SKOR2: variants seen among roughly 807,000 people sequenced by gnomAD.
SKOR2 encodes LBX1 corepressor 1-like protein.
SKOR2 carries 47 observed loss-of-function variants against 69.1 expected under a neutral mutation model. The ratio of observed to expected loss-of-function variants is 0.68; its 90% CI spans 0.54 to 0.87. The LOEUF is 0.87. SKOR2 is among the 40% of genes least tolerant of loss of function. The probability of loss-of-function intolerance (pLI) is 0.00; values close to 1 mark genes in which losing one functional copy is unlikely to be tolerated. For missense variants in SKOR2, 1,404 were observed against 1,472.2 expected, an observed-to-expected ratio of 0.95 and a Z score of 0.76; for synonymous variants, 717 against 672.6, an observed-to-expected ratio of 1.07 and a Z score of -1.02.
At chr18:47,250,616 C>T (rs1266308419) in intron 1 of SKOR2, among the ~76,000 whole-genome samples, 1 of 152,226 alleles carries the variant, frequency 6.6e-6, no homozygotes, top group East Asian at 1.9e-4. Context: ...AATTTCTTAT[C>T]CGTGTCCTCT....
chr18:47,215,706 G>A (rs1211727180), intron 7 of SKOR2, among the ~76,000 whole-genome samples: 1 of 152,038 alleles, frequency 6.6e-6, no homozygotes, highest in Non-Finnish European at 1.5e-5. Flanking sequence ...CCCTAGCTGC[G>A]TGTGACTGCA....
In SKOR2 at chr18:47,212,109, C is replaced by T. The variant is rs779367795; in HGVS notation, c.3028G>A (p.Ala1010Thr). 10 of 1,231,854 alleles carry T rather than the reference C, an allele frequency of 8.1e-6. No individual in the cohort carries two copies. The highest frequency in any genetic ancestry group is 1.6e-5 in the African/African-American group (1 of 64,390). The allele number at this position is 1,231,854 out of a possible 1,614,324, so 76.3% of individuals were successfully genotyped here. A position where few individuals can be genotyped will look rare whatever the true frequency, so the allele number is the denominator to read the frequency against. Residue 1010 changes from alanine to threonine, a missense_variant, in exon 8 of 9, where the codon GCC becomes ACC. By Grantham distance (58) the Ala-to-Thr change is moderately conservative. Coordinates refer to ENST00000425639, the MANE Select transcript of SKOR2 (RefSeq NM_001278063.4). Reference sequence around the variant, plus strand: ...ACCTTTTAGCTTTTGCTGAGATGGGCGCCAAGCTTTTCTTTCCTGATCAAA... The same window carrying T: ...ACCTTTTAGCTTTTGCTGAGATGGGTGCCAAGCTTTTCTTTCCTGATCAAA... ...ASLIRKEKLG[A>T]HLSKS
chr18:47,221,690 T>C (rs903953362), intron 6 of SKOR2, among the ~76,000 whole-genome samples: 2 of 152,142 alleles, frequency 1.3e-5, no homozygotes, highest in Non-Finnish European at 2.9e-5. Flanking sequence ...TTTTTGTACT[T>C]CTCCAGCACC....
Position 47,247,842 on chromosome 18 carries a change from C to A in SKOR2, c.1342G>T (p.Ala448Ser). ...GAGGAGAAPK[A>S]GLSGLFWPAG... ...GGCCAGAAGAGGCCGGACAAGCCGG[C>A]CTTGGGCGCCGCGCCCGCGCCGCCT... The change falls in exon 2 of 9, where the codon GCC (alanine) becomes TCC (serine). Residue 448 changes from alanine (A) to serine (S), a missense_variant. This residue lies in a region of SKOR2 where 1,266 missense variants were observed against 1,309.9 expected (regional missense o/e 0.97). Transcript: ENST00000425639. This position sits in a 1 kb window ranked among gnomAD's most constrained non-coding sequence, Gnocchi z 6.6. 7.3e-7 allele frequency: 1 copy of A among 1,367,120 alleles called. No individual in the cohort carries two copies. Among genetic ancestry groups the A allele is most frequent in the Non-Finnish European group, 9.3e-7 (1 of 1,070,298 alleles). 84.7% of individuals were successfully genotyped at this position (1,367,120 alleles called of 1,614,324 possible). A position where few individuals can be genotyped will look rare whatever the true frequency, so the allele number is the denominator to read the frequency against.
intron 5 of SKOR2, 142 bp from the exon 6 acceptor site, chr18:47,230,699 C>A: frequency 1.5e-6 from 1 of 651,340 alleles, no homozygotes; most frequent in Non-Finnish European, 2.4e-6. Flanking sequence ...AGATTTTGTG[C>A]AGAAATCCAT....
chr18:47,231,023 A>G (rs982122362), intron 4 of SKOR2, 23 bp from the exon 5 acceptor site: 2 of 1,535,876 alleles, frequency 1.3e-6, no homozygotes, highest in Admixed American at 2.0e-5. Context: ...CAGGAAAAAT[A>G]CTATTAGTTT....
intron 7 of SKOR2, among the ~76,000 whole-genome samples, chr18:47,216,341 G>C (rs1249890120): frequency 6.6e-6 from 1 of 152,108 alleles, no homozygotes; most frequent in African/African-American, 2.4e-5. Flanking sequence ...GCAGGGGTGG[G>C]GGACTTTAAC....
At chr18:47,233,055 ATG>A (rs138392837) in intron 4 of SKOR2, among the ~76,000 whole-genome samples, 5 of 151,526 alleles carry the variant, frequency 3.3e-5, no homozygotes, top group East Asian at 1.9e-4. Flanking sequence ...GTGTTTGTGC[ATG>A]TGTGTGTGTG....
chr18:47,228,826 C>T (rs1017163260), intron 6 of SKOR2, among the ~76,000 whole-genome samples: 2 of 152,334 alleles, frequency 1.3e-5, no homozygotes, highest in East Asian at 3.9e-4. Flanking sequence ...CTATAAGTAT[C>T]ACAATATTCC....
intron 7 of SKOR2, among the ~76,000 whole-genome samples, chr18:47,217,015 C>T (rs893223813): frequency 2.6e-5 from 4 of 152,146 alleles, no homozygotes; most frequent in Non-Finnish European, 5.9e-5. Context: ...CATTTTCCCC[C>T]AGGTACTTTG....
At chr18:47,229,829 T>A (rs543029216) in intron 6 of SKOR2, among the ~76,000 whole-genome samples, 2 of 152,232 alleles carry the variant, frequency 1.3e-5, no homozygotes, top group South Asian at 4.1e-4. Context: ...TACCATAAAG[T>A]TTTAGGAAAT....
intron 7 of SKOR2, among the ~76,000 whole-genome samples, chr18:47,216,231 A>C (rs1278851278): frequency 6.6e-6 from 1 of 152,128 alleles, no homozygotes; most frequent in Non-Finnish European, 1.5e-5. Flanking sequence ...AAATTAAAAA[A>C]CTTTTGTATT....
chr18:47,231,004 T>C lies in SKOR2; in HGVS notation c.2753-4A>G. The C allele has an allele frequency of 6.5e-7, 1 of 1,536,054 alleles. No homozygotes were observed. On this transcript the variant is annotated splice_polypyrimidine_tract_variant and splice_region_variant and intron_variant, in intron 4 of 8. Coordinates refer to ENST00000425639, the MANE Select transcript of SKOR2 (RefSeq NM_001278063.4). Reference sequence around the variant, plus strand: ...TTGGTTTCTTGTGTATGTTCACCTTTTAAAAAAGCAGGAAAAATACTATTA... The same window carrying C: ...TTGGTTTCTTGTGTATGTTCACCTTCTAAAAAAGCAGGAAAAATACTATTA...
intron 3 of SKOR2, 138 bp downstream of exon 3, chr18:47,245,360 A>G (rs1169967800): frequency 1.3e-6 from 1 of 793,336 alleles, no homozygotes; most frequent in African/African-American, 1.8e-5. Context: ...CAAAAACAAA[A>G]CCAAAAAAGA....
At chr18:47,216,375 T>C (rs2064143937) in intron 7 of SKOR2, among the ~76,000 whole-genome samples, 1 of 152,130 alleles carries the variant, frequency 6.6e-6, no homozygotes, top group African/African-American at 2.4e-5. Flanking sequence ...AATACTAAAA[T>C]ACCCAAATTT....
chr18:47,232,274 A>T (rs2064202740), intron 4 of SKOR2, among the ~76,000 whole-genome samples: 1 of 152,222 alleles, frequency 6.6e-6, no homozygotes, highest in Non-Finnish European at 1.5e-5. Context: ...CGACCAAAGA[A>T]AACTATATTG....
chr18:47,220,386 A>G (rs1600028027), intron 6 of SKOR2, among the ~76,000 whole-genome samples: 1 of 152,282 alleles, frequency 6.6e-6, no homozygotes, highest in East Asian at 1.9e-4. Flanking sequence ...CAGGCCTCAG[A>G]TAGAGCTGAG....
In SKOR2 at chr18:47,247,498, C is replaced by G. The variant is rs927448448; in HGVS notation, c.1686G>C (p.Pro562=). 1.0e-4 allele frequency: 125 copies of G among 1,208,600 alleles called. No homozygotes were observed. Among genetic ancestry groups the G allele is most frequent in the Admixed American group, 9.3e-4 (21 of 22,660 alleles). 74.9% of individuals were successfully genotyped at this position (1,208,600 alleles called of 1,614,324 possible). The change falls in exon 2 of 9, where the codon CCG becomes CCC. Residue 562 remains proline, a synonymous_variant. Coordinates refer to ENST00000425639, the MANE Select transcript of SKOR2 (RefSeq NM_001278063.4). The surrounding 1 kb of genome is among the most constrained non-coding windows in gnomAD (Gnocchi z 6.6). ...GSRDALFESP[P]GGSGGDCSAG... Reference sequence around the variant, plus strand: ...CGCTGCAGTCCCCGCCGCTGCCGCCCGGGGGCGACTCGAAGAGCGCGTCGC... The same window carrying G: ...CGCTGCAGTCCCCGCCGCTGCCGCCGGGGGGCGACTCGAAGAGCGCGTCGC...
In SKOR2 at chr18:47,246,809, C is replaced by A; in HGVS notation, c.2375G>T (p.Gly792Val). The part of the protein sequence containing the change: ...VGGGRFLQGR[G>V]PSEKGSSRDR... ...CCGGCTGCTCCCCTTCTCCGACGGC[C>A]CTCGGCCCTGGAGGAACCGGCCGCC... Residue 792 changes from glycine to valine, a missense_variant, in exon 2 of 9, where the codon GGG becomes GTG. Gly to Val is a moderately radical substitution (Grantham distance 109). This residue lies in a region of SKOR2 where 1,266 missense variants were observed against 1,309.9 expected (regional missense o/e 0.97). Transcript: ENST00000425639. The A allele has an allele frequency of 7.0e-7, 1 of 1,426,934 alleles. No homozygotes were observed. The highest frequency in any genetic ancestry group is 1.5e-5 in the South Asian group (1 of 67,212). 88.4% of individuals were successfully genotyped at this position (1,426,934 alleles called of 1,614,324 possible).
Sources: gnomAD v4.1 joint callset for allele counts (sites outside exome capture counted in the v4.1 genomes callset) on GRCh38, gnomAD v4.1.1 for gene constraint, gnomAD v4.1.1 regional missense constraint, Gnocchi (gnomAD v3.1) non-coding constraint, MANE v1.5 for transcripts, NCBI Gene and HGNC (gene_info 2026-07-23, HGNC 2026-07-21) for gene names.